Variants in CHSY3 observed in about 807,000 individuals in gnomAD.
The protein encoded by CHSY3 is N-acetylgalactosaminyl-proteoglycan 3-beta-glucuronosyltransferase 3.
Under a neutral mutation model 67.2 loss-of-function variants are expected in CHSY3, and 35 were observed. The ratio of observed to expected loss-of-function variants is 0.52; its 90% CI spans 0.40 to 0.69. CHSY3 has a LOEUF of 0.69. Ranked by LOEUF, CHSY3 falls within the 30% of genes least tolerant of loss-of-function variation. CHSY3 has a pLI of 0.00. For synonymous variants in CHSY3, 474 were observed against 434.7 expected (o/e 1.09, Z -1.12); for missense variants, 1,069 against 1,138.5 (o/e 0.94, Z 0.88).
chr5:130,011,104 A>T (rs548790241), intron 2 of CHSY3, among the ~76,000 whole-genome samples: 41 of 152,264 alleles, frequency 2.7e-4, no homozygotes, highest in African/African-American at 9.6e-4. Flanking sequence ...AGAAAGCAGG[A>T]CCCTTCCTAA....
intron 2 of CHSY3, among the ~76,000 whole-genome samples, chr5:130,018,186 C>CA (rs1462390937): frequency 6.6e-6 from 1 of 151,868 alleles, no homozygotes; most frequent in Non-Finnish European, 1.5e-5. Flanking sequence ...TTATTTTCTA[C>CA]AAAAAAGTTA....
intron 2 of CHSY3, among the ~76,000 whole-genome samples, chr5:130,160,113 C>T (rs1769487541): frequency 6.6e-6 from 1 of 152,128 alleles, no homozygotes; most frequent in Non-Finnish European, 1.5e-5. Context: ...ATTTTGCATT[C>T]CAGTTTGGAT....
In CHSY3 at chr5:130,091,707, C is replaced by T. The variant is rs1231284703; in HGVS notation, c.1087-92522C>T. The stretch of plus-strand genomic sequence containing the variant: ...GAAACAGCAGGCATGACATAAATGC[C>T]TGTTCACTCTAGCAATGCGTTATAT... On this transcript the variant is annotated intron_variant, in intron 2 of 2. Coordinates refer to ENST00000305031, the MANE Select transcript of CHSY3 (RefSeq NM_175856.5). 2.0e-5 allele frequency among the ~76,000 whole-genome samples: 3 copies of T among 152,146 alleles called. No individual in the cohort carries two copies. The East Asian group carries it at 5.8e-4, about 29-fold the overall frequency.
At chr5:130,012,945 G>A (rs1764110455) in intron 2 of CHSY3, among the ~76,000 whole-genome samples, 1 of 151,878 alleles carries the variant, frequency 6.6e-6, no homozygotes, top group African/African-American at 2.4e-5. Flanking sequence ...TTCTACCTAT[G>A]AGCCTGTAAA....
intron 2 of CHSY3, among the ~76,000 whole-genome samples, chr5:130,051,298 T>A (rs2149671484): frequency 6.6e-6 from 1 of 152,242 alleles, no homozygotes; most frequent in East Asian, 1.9e-4. Context: ...AAGTAAAATA[T>A]AAAGAATATA....
At chr5:130,028,360 C>T (rs770474318) in intron 2 of CHSY3, among the ~76,000 whole-genome samples, 2 of 152,052 alleles carry the variant, frequency 1.3e-5, no homozygotes, top group Non-Finnish European at 2.9e-5. Flanking sequence ...TACCACACAT[C>T]TACAACCATC....
At chr5:130,079,326 C>T (rs1239813914) in intron 2 of CHSY3, among the ~76,000 whole-genome samples, 1 of 152,064 alleles carries the variant, frequency 6.6e-6, no homozygotes, top group Admixed American at 6.6e-5. Context: ...TATACACTTA[C>T]AGATGTATTT....
In CHSY3 at chr5:130,013,554, T is replaced by C. The variant is rs1764127709; in HGVS notation, c.1086+105194T>C. Among the ~76,000 whole-genome samples, 5 of 152,202 alleles carry C rather than the reference T, an allele frequency of 3.3e-5. 1 individual carries two copies. In the South Asian group the frequency reaches 1.0e-3, roughly 31 times the overall value. ...CTCAGACCCAACACCACGTGGAGGC[T>C]GCCAAGGCTTGAGGCTTGCACACTC... On this transcript the variant is annotated intron_variant, in intron 2 of 2. Transcript: ENST00000305031.
chr5:129,996,060 T>C (rs1347284376), intron 2 of CHSY3, among the ~76,000 whole-genome samples: 1 of 152,162 alleles, frequency 6.6e-6, no homozygotes, highest in Non-Finnish European at 1.5e-5. Flanking sequence ...CCAACGATCT[T>C]ATTTTTGTTA....
intron 2 of CHSY3, among the ~76,000 whole-genome samples, chr5:130,175,289 C>A (rs1457787015): frequency 1.3e-5 from 2 of 152,120 alleles, no homozygotes; most frequent in Non-Finnish European, 2.9e-5. Context: ...CCTAGGAATA[C>A]AACTTACAAG....
At chr5:129,965,973 C>G (rs1188931005) in intron 2 of CHSY3, among the ~76,000 whole-genome samples, 1 of 151,794 alleles carries the variant, frequency 6.6e-6, no homozygotes, top group Non-Finnish European at 1.5e-5. Flanking sequence ...GGGTTCTGTC[C>G]ATCAGACACA....
intron 2 of CHSY3, among the ~76,000 whole-genome samples, chr5:129,957,054 G>T (rs2149605040): frequency 6.6e-6 from 1 of 152,194 alleles, no homozygotes; most frequent in East Asian, 1.9e-4. Context: ...ATTGTTTTGT[G>T]CAGTATGACT....
intron 2 of CHSY3, among the ~76,000 whole-genome samples, chr5:130,018,197 A>G (rs560564782): frequency 6.6e-6 from 1 of 152,100 alleles, no homozygotes; most frequent in African/African-American, 2.4e-5. Flanking sequence ...AAAAAAGTTA[A>G]TCTTATTTTT....
chr5:130,096,471 G>C (rs1180860457), intron 2 of CHSY3, among the ~76,000 whole-genome samples: 1 of 152,084 alleles, frequency 6.6e-6, no homozygotes, highest in Admixed American at 6.5e-5. Flanking sequence ...CGTGCACTTT[G>C]GTTAGTAGTA....
At chr5:129,924,170 C>T (rs1761015918) in intron 2 of CHSY3, among the ~76,000 whole-genome samples, 1 of 151,846 alleles carries the variant, frequency 6.6e-6, no homozygotes, top group South Asian at 2.1e-4. Flanking sequence ...AATGAAAAAT[C>T]AATTTCTGTT....
chr5:130,103,641 A>C (rs1020115250), intron 2 of CHSY3, among the ~76,000 whole-genome samples: 2 of 152,054 alleles, frequency 1.3e-5, no homozygotes, highest in African/African-American at 4.8e-5. Flanking sequence ...ATGTGTATAC[A>C]TGTATGAATT....
intron 2 of CHSY3, among the ~76,000 whole-genome samples, chr5:130,087,219 A>T (rs1766672909): frequency 6.6e-6 from 1 of 152,026 alleles, no homozygotes; most frequent in Non-Finnish European, 1.5e-5. Flanking sequence ...GATGTATCTC[A>T]AAATAATAAG....
chr5:129,949,723 A>G (rs1419914192), intron 2 of CHSY3, among the ~76,000 whole-genome samples: 2 of 152,212 alleles, frequency 1.3e-5, no homozygotes, highest in African/African-American at 2.4e-5. Context: ...ACAAAACCAG[A>G]GTAAACCAAA....
intron 2 of CHSY3, among the ~76,000 whole-genome samples, chr5:130,108,158 C>T (rs1439619980): frequency 6.6e-6 from 1 of 151,458 alleles, no homozygotes; most frequent in East Asian, 1.9e-4. Flanking sequence ...AATTTATACA[C>T]TCTAGTTGAT....
Sources: allele counts gnomAD v4.1 joint callset (sites outside exome capture counted in the v4.1 genomes callset), GRCh38; gene constraint gnomAD v4.1.1; transcripts MANE v1.5; gene names NCBI Gene and HGNC (gene_info 2026-07-23, HGNC 2026-07-21).